The following AHCY variants were observed in gnomAD, a reference collection of about 807,000 sequenced individuals.
The protein encoded by AHCY is S-adenosyl-L-homocysteine hydrolase.
Under a neutral mutation model 45.4 loss-of-function variants are expected in AHCY, and 24 were observed. That is an observed-to-expected ratio of 0.53 (90% CI 0.38 to 0.74). AHCY has a LOEUF of 0.74. Ranked by LOEUF, AHCY falls within the 30% of genes least tolerant of loss-of-function variation. AHCY has a pLI of 0.00. For missense variants in AHCY, 449 were observed against 594.1 expected (o/e 0.76, Z 2.54); for synonymous variants, 245 against 235.1 (o/e 1.04, Z -0.39).
chr20:34,286,783 A>C (rs927707896), intron 8 of AHCY, among the ~76,000 whole-genome samples: 3 of 147,904 alleles, frequency 2.0e-5, no homozygotes, highest in Non-Finnish European at 4.5e-5. Flanking sequence ...GTGGTGAGCC[A>C]AGATCGCGCC....
downstream of AHCY, among the ~76,000 whole-genome samples, chr20:34,277,672 G>T (rs113002303): frequency 6.7e-6 from 1 of 149,116 alleles, no homozygotes; most frequent in Non-Finnish European, 1.5e-5. Flanking sequence ...GGAGAATGGC[G>T]TGAACCTGGG....
chr20:34,235,364 G>A, the AHCY span, among the ~76,000 whole-genome samples: 12 of 151,994 alleles, frequency 7.9e-5, no homozygotes, highest in East Asian at 5.8e-4. Context: ...CGCTTGAAGC[G>A]GGGAGGCGGA....
In AHCY at chr20:34,281,221, C is replaced by G. The variant is rs189623583; in HGVS notation, c.1168-56G>C. The G allele has an allele frequency of 3.2e-4, 513 of 1,607,976 alleles. 2 individuals are homozygous for G. The Admixed American group carries it at 3.9e-3, about 12-fold the overall frequency. ...AGTGCCATTTTCTGGGACCCCTACA[C>G]GCGTCTGGCTGCCAATAGAGGCAGA... On this transcript the variant is annotated intron_variant, in intron 9 of 9. Transcript: ENST00000217426.
At chr20:34,258,470 T>C in the AHCY span, among the ~76,000 whole-genome samples, 1 of 150,234 alleles carries the variant, frequency 6.7e-6, no homozygotes, top group Non-Finnish European at 1.5e-5. Flanking sequence ...TGGGCTTTGA[T>C]GACCATTAAC....
At chr20:34,301,791 G>A in intron 1 of AHCY, 1 of 985,010 alleles carries the variant, frequency 1.0e-6, no homozygotes, top group Non-Finnish European at 1.2e-6. Context: ...CCACACAATG[G>A]AGACAGTCTA....
intron 3 of AHCY, 118 bp from the exon 4 acceptor site, chr20:34,292,625 C>G: frequency 1.4e-6 from 2 of 1,460,246 alleles, no homozygotes; most frequent in Non-Finnish European, 1.9e-6. Flanking sequence ...CCACCTCCGG[C>G]CCCTCTGAAA....
At chr20:34,270,145 A>C in the AHCY span, among the ~76,000 whole-genome samples, 1 of 151,630 alleles carries the variant, frequency 6.6e-6, no homozygotes, top group Non-Finnish European at 1.5e-5. Context: ...CCAGCTACTC[A>C]GGCAGCTAAG....
intron 1 of AHCY, among the ~76,000 whole-genome samples, chr20:34,309,120 C>T (rs1406767404): frequency 6.6e-6 from 1 of 151,464 alleles, no homozygotes; most frequent in Admixed American, 6.6e-5. Flanking sequence ...CCACCACACC[C>T]GGCTAATTTT....
chr20:34,232,120 A>G, the AHCY span, among the ~76,000 whole-genome samples: 34 of 152,252 alleles, frequency 2.2e-4, no homozygotes, highest in African/African-American at 8.0e-4. Context: ...AATGTGTTAC[A>G]TGACAATAGC....
the AHCY span, among the ~76,000 whole-genome samples, chr20:34,234,332 A>G: frequency 1.4e-3 from 208 of 152,330 alleles, 1 homozygote; most frequent in African/African-American, 4.8e-3. Flanking sequence ...CAGTAAAAAT[A>G]TAGCATAACT....
chr20:34,269,250 T>C, the AHCY span: 2 of 1,410,842 alleles, frequency 1.4e-6, no homozygotes, highest in South Asian at 3.0e-5. Context: ...ACAGGGCGGC[T>C]TCCCAGGGCT....
chr20:34,248,309 G>A, the AHCY span, among the ~76,000 whole-genome samples: 1 of 152,036 alleles, frequency 6.6e-6, no homozygotes, highest in Non-Finnish European at 1.5e-5. Context: ...ACAACTTTGG[G>A]GAAAAACATT....
the AHCY span, among the ~76,000 whole-genome samples, chr20:34,266,079 C>T: frequency 3.9e-5 from 6 of 152,180 alleles, no homozygotes; most frequent in Admixed American, 6.5e-5. Context: ...AATGGCCAGG[C>T]ACGGTGGCTC....
chr20:34,261,402 G>A, the AHCY span, among the ~76,000 whole-genome samples: 6 of 152,230 alleles, frequency 3.9e-5, no homozygotes, highest in South Asian at 1.2e-3. Flanking sequence ...CGTAGGCTGA[G>A]GCGGGCAGAT....
intron 1 of AHCY, among the ~76,000 whole-genome samples, chr20:34,310,292 C>T (rs2036935046): frequency 6.6e-6 from 1 of 152,152 alleles, no homozygotes; most frequent in Non-Finnish European, 1.5e-5. Flanking sequence ...AACGCCTGAC[C>T]TCGTGATCCA....
the AHCY span, among the ~76,000 whole-genome samples, chr20:34,240,613 C>T: frequency 2.6e-5 from 4 of 152,180 alleles, no homozygotes; most frequent in African/African-American, 9.7e-5. Context: ...CAGCAATCTG[C>T]CCATCAAGAG....
the AHCY span, among the ~76,000 whole-genome samples, chr20:34,240,848 C>A: frequency 6.6e-6 from 1 of 152,172 alleles, no homozygotes; most frequent in African/African-American, 2.4e-5. Context: ...ATGTCAACAT[C>A]AATTCCAATT....
At chr20:34,254,069 C>CA in the AHCY span, among the ~76,000 whole-genome samples, 1 of 151,214 alleles carries the variant, frequency 6.6e-6, no homozygotes, top group Non-Finnish European at 1.5e-5. Context: ...TGTTTTGTTT[C>CA]GTTTTTTTTT....
chr20:34,233,109 C>T, the AHCY span, among the ~76,000 whole-genome samples: 1 of 148,250 alleles, frequency 6.7e-6, no homozygotes, highest in Non-Finnish European at 1.5e-5. Context: ...CAACATTTTT[C>T]ATCTGGAAGA....
Sources: allele counts gnomAD v4.1 joint callset (sites outside exome capture counted in the v4.1 genomes callset), GRCh38; gene constraint gnomAD v4.1.1; transcripts MANE v1.5; gene names NCBI Gene and HGNC (gene_info 2026-07-23, HGNC 2026-07-21).